WLS: variants seen among roughly 807,000 people sequenced by gnomAD.
WLS encodes Wnt ligand secretion mediator, also known as protein wntless homolog.
WLS carries 23 observed loss-of-function variants against 62.8 expected under a neutral mutation model. The observed-to-expected ratio is 0.37, with a 90% CI of 0.26 to 0.52. WLS has a LOEUF of 0.52. Among genes scored for constraint, WLS ranks in the 20% least tolerant of loss-of-function variants. The probability of loss-of-function intolerance (pLI) is 0.92; values close to 1 mark genes in which losing one functional copy is unlikely to be tolerated. For missense variants in WLS, 615 were observed against 697.3 expected (o/e 0.88, Z 1.33); for synonymous variants, 246 against 244.1 (o/e 1.01, Z -0.07).
intron 10 of WLS, among the ~76,000 whole-genome samples, chr1:68,141,088 G>A (rs1432350501): frequency 1.3e-5 from 2 of 151,254 alleles, no homozygotes; most frequent in Non-Finnish European, 2.9e-5. Context: ...ACTTTTGTGT[G>A]AAACCACCCA....
chr1:68,228,975 G>A (rs1480416721), intron 1 of WLS, among the ~76,000 whole-genome samples: 11 of 150,574 alleles, frequency 7.3e-5, no homozygotes, highest in Non-Finnish European at 1.2e-4. Flanking sequence ...AATTCCTGGA[G>A]GCTAGTTGCT....
chr1:68,204,523 G>A (rs1439095587), intron 1 of WLS, among the ~76,000 whole-genome samples: 2 of 152,066 alleles, frequency 1.3e-5, no homozygotes, highest in African/African-American at 4.8e-5. Context: ...TAGCCAGGAT[G>A]GTCTCCATCT....
chr1:68,134,915 G>A (rs962709328), intron 11 of WLS, among the ~76,000 whole-genome samples: 6 of 152,204 alleles, frequency 3.9e-5, no homozygotes, highest in African/African-American at 1.4e-4. Flanking sequence ...TCAAGAATCT[G>A]TCCAACATGG....
chr1:68,230,908 C>A (rs1398127231), intron 1 of WLS, among the ~76,000 whole-genome samples: 1 of 152,174 alleles, frequency 6.6e-6, no homozygotes, highest in Non-Finnish European at 1.5e-5. Context: ...GGTGCCCAAG[C>A]CTGTGCAGCT....
chr1:68,100,937 C>T (rs115508073), intron 11 of WLS, among the ~76,000 whole-genome samples: 4,891 of 152,272 alleles, frequency 0.032, 260 homozygotes, highest in African/African-American at 0.11. Context: ...ACTATGTATG[C>T]GAGCATCCCC....
intron 11 of WLS, among the ~76,000 whole-genome samples, chr1:68,104,836 C>G (rs1267242008): frequency 6.6e-6 from 1 of 152,200 alleles, no homozygotes; most frequent in African/African-American, 2.4e-5. Context: ...GGGAGGATGG[C>G]TTGAACCTGG....
intron 1 of WLS, among the ~76,000 whole-genome samples, chr1:68,221,638 C>T (rs1030983171): frequency 3.3e-5 from 5 of 152,214 alleles, no homozygotes; most frequent in African/African-American, 9.6e-5. Flanking sequence ...AAAAGGGCTG[C>T]TCTGCCTGGA....
chr1:68,112,446 G>A (rs1002759537), intron 11 of WLS, among the ~76,000 whole-genome samples: 2 of 152,106 alleles, frequency 1.3e-5, no homozygotes, highest in South Asian at 2.1e-4. Context: ...CAGCCTCCAC[G>A]GCCTGACATT....
At chr1:68,100,605 C>T (rs1338408554) in intron 11 of WLS, 3 of 152,138 alleles carry the variant, frequency 2.0e-5, no homozygotes. Flanking sequence ...TCTAAACTGG[C>T]AAAAGTCTCA....
chr1:68,148,050 A>G, intron 8 of WLS, 86 bp downstream of exon 8: 2 of 1,373,360 alleles, frequency 1.5e-6, no homozygotes, highest in Non-Finnish European at 1.0e-6. Context: ...ACATATGGGG[A>G]GCATCAGCAG....
In WLS at chr1:68,101,927, C is replaced by T. The variant is rs551319481; in HGVS notation, c.1511-3174G>A. Among the ~76,000 whole-genome samples, 65 of 152,278 alleles carry T rather than the reference C, an allele frequency of 4.3e-4. 4 individuals carry two copies. In the South Asian group the frequency reaches 9.5e-3, roughly 22 times the overall value. Reference sequence around the variant, plus strand: ...ATATATTCATTCTACTTAGCTGTTACGGGAGAGAAATCAAATATCTTACTG... The same window carrying T: ...ATATATTCATTCTACTTAGCTGTTATGGGAGAGAAATCAAATATCTTACTG... On this transcript the variant is annotated intron_variant, in intron 11 of 11. Coordinates refer to the WLS transcript ENST00000354777.
At chr1:68,130,180 G>A (rs183842543) in intron 11 of WLS, among the ~76,000 whole-genome samples, 84 of 152,290 alleles carry the variant, frequency 5.5e-4, no homozygotes, top group Non-Finnish European at 1.1e-3. Context: ...AATGACAATT[G>A]TTTGTGTATC....
At chr1:68,121,760 A>G (rs1215020453), downstream of WLS, among the ~76,000 whole-genome samples, 1 of 152,190 alleles carries the variant, frequency 6.6e-6, no homozygotes, top group Non-Finnish European at 1.5e-5. Context: ...ATGGGTCCCA[A>G]ATAACTCAGG....
chr1:68,166,060 G>A (rs115647286), intron 2 of WLS, among the ~76,000 whole-genome samples: 13 of 152,094 alleles, frequency 8.5e-5, no homozygotes, highest in Admixed American at 2.0e-4. Context: ...TAAAATATGC[G>A]GTTTAAAATG....
chr1:68,218,580 C>T (rs1024900554), intron 1 of WLS, among the ~76,000 whole-genome samples: 5 of 152,166 alleles, frequency 3.3e-5, no homozygotes, highest in African/African-American at 9.7e-5. Context: ...CAGGCACTGC[C>T]GTTTTGAGGC....
chr1:68,125,385 A>T lies in WLS; in HGVS notation c.*841T>A. 1 of 985,366 alleles carries T rather than the reference A, an allele frequency of 1.0e-6. No individual in the cohort carries two copies. 61.0% of individuals were successfully genotyped at this position (985,366 alleles called of 1,614,324 possible). ...TGAGTTTTAGCAGGAGGGGATATGCATGTACACATATGCATATACATACAG... is the reference window on the plus strand; with the variant it reads ...TGAGTTTTAGCAGGAGGGGATATGCTTGTACACATATGCATATACATACAG... On this transcript the variant is annotated 3_prime_UTR_variant, in exon 12 of 12. Transcript: ENST00000262348.
chr1:68,120,009 G>A (rs1189862622), intron 11 of WLS, among the ~76,000 whole-genome samples: 2 of 152,074 alleles, frequency 1.3e-5, no homozygotes, highest in South Asian at 4.2e-4. Flanking sequence ...AAGGATGTAC[G>A]TTATAAGAAG....
intron 1 of WLS, among the ~76,000 whole-genome samples, chr1:68,230,869 G>A (rs1650379510): frequency 6.6e-6 from 1 of 152,158 alleles, no homozygotes; most frequent in Non-Finnish European, 1.5e-5. Context: ...ACCCAAGTCT[G>A]GAGACAAAAC....
intron 2 of WLS, among the ~76,000 whole-genome samples, chr1:68,189,217 A>C (rs772079208): frequency 6.6e-6 from 1 of 152,002 alleles, no homozygotes; most frequent in Non-Finnish European, 1.5e-5. Context: ...AGTCATCCTT[A>C]TTTTCTCTCA....
Sources: gnomAD v4.1 joint callset for allele counts (sites outside exome capture counted in the v4.1 genomes callset) on GRCh38, gnomAD v4.1.1 for gene constraint, MANE v1.5 for transcripts, NCBI Gene and HGNC (gene_info 2026-07-23, HGNC 2026-07-21) for gene names.